Variants in ZNF680 observed in about 807,000 individuals in gnomAD.
ZNF680 encodes the protein zinc finger protein 680.
In ZNF680, 6 loss-of-function variants were observed where a neutral mutation model predicts 12.1. The observed-to-expected ratio is 0.49, with a 90% CI of 0.27 to 0.98. The LOEUF (loss-of-function observed/expected upper bound fraction) is 0.98, where lower values mean the gene tolerates loss of function less well. Among genes scored for constraint, ZNF680 ranks in the 50% least tolerant of loss-of-function variants. The pLI, the probability that ZNF680 is intolerant of heterozygous loss-of-function variation, is 0.12. For missense variants in ZNF680, 561 were observed against 616.3 expected (o/e 0.91, Z 0.95); for synonymous variants, 170 against 199.3 (o/e 0.85, Z 1.24).
intron 3 of ZNF680, among the ~76,000 whole-genome samples, chr7:64,537,785 C>CCGGG (rs1451107601): frequency 2.6e-5 from 4 of 152,038 alleles, no homozygotes; most frequent in Non-Finnish European, 4.4e-5. Flanking sequence ...AAACAATTAG[C>CCGGG]CGGGCGTGGT....
At chr7:64,559,697 G>A (rs929570265) in intron 1 of ZNF680, among the ~76,000 whole-genome samples, 1 of 152,056 alleles carries the variant, frequency 6.6e-6, no homozygotes, top group Admixed American at 6.5e-5. Context: ...GTCCAGGCTG[G>A]TCTCAAACTC....
chr7:64,523,502 A>G (rs1791657522), intron 3 of ZNF680, among the ~76,000 whole-genome samples: 1 of 152,176 alleles, frequency 6.6e-6, no homozygotes, highest in Admixed American at 6.5e-5. Flanking sequence ...ATCAAATAAA[A>G]CAATAAAATA....
intron 3 of ZNF680, among the ~76,000 whole-genome samples, chr7:64,539,376 G>GAAAAAAAAA (rs1233424872): frequency 2.8e-5 from 2 of 72,054 alleles, no homozygotes; most frequent in African/African-American, 6.0e-5. Flanking sequence ...AAAAAAAAAA[G>GAAAAAAAAA]AAAAGAAAAT....
chr7:64,504,856 A>G, the ZNF680 span, among the ~76,000 whole-genome samples: 3 of 152,268 alleles, frequency 2.0e-5, no homozygotes, highest in South Asian at 6.2e-4. Context: ...TCTTTTACCC[A>G]TTAGTTTTAT....
the ZNF680 span, among the ~76,000 whole-genome samples, chr7:64,509,818 C>A: frequency 7.2e-5 from 11 of 151,954 alleles, no homozygotes; most frequent in Non-Finnish European, 1.3e-4. Context: ...ATCATGGTAG[C>A]CTGAACCCAA....
At chr7:64,554,553 G>C (rs1461761587) in intron 1 of ZNF680, among the ~76,000 whole-genome samples, 2 of 152,240 alleles carry the variant, frequency 1.3e-5, no homozygotes, top group Non-Finnish European at 2.9e-5. Context: ...GAATAGAAAA[G>C]GGGGAAATGT....
At chr7:64,526,433 T>C (rs570307968) in intron 3 of ZNF680, 30 of 1,494,048 alleles carry the variant, frequency 2.0e-5, no homozygotes, top group Non-Finnish European at 2.6e-5. Context: ...ATTATTTCTG[T>C]AATCCCACAT....
At chr7:64,535,046 A>G (rs1429657564) in intron 3 of ZNF680, among the ~76,000 whole-genome samples, 1 of 152,116 alleles carries the variant, frequency 6.6e-6, no homozygotes, top group Admixed American at 6.6e-5. Flanking sequence ...AAGGCTACAA[A>G]TAGGGTGTAG....
At chr7:64,553,134 A>G (rs1171759368) in intron 1 of ZNF680, among the ~76,000 whole-genome samples, 1 of 151,906 alleles carries the variant, frequency 6.6e-6, no homozygotes, top group Non-Finnish European at 1.5e-5. Flanking sequence ...CAAAAAAAAA[A>G]AAAAAAAAGT....
the ZNF680 span, among the ~76,000 whole-genome samples, chr7:64,504,073 T>C: frequency 1.3e-5 from 2 of 152,210 alleles, no homozygotes; most frequent in African/African-American, 4.8e-5. Context: ...AAAAATATTA[T>C]TTTAAATAAG....
rs117495376 is a variant in ZNF680, at chr7:64,528,289, G to A, written c.254-5789C>T. The stretch of plus-strand genomic sequence containing the variant: ...AACTTTGTGACAATTTGAACCAGCT[G>A]AGAAGCCTCCGGGCCAGAACTCGGC... On this transcript the variant is annotated intron_variant, in intron 3 of 3. Coordinates refer to ENST00000309683, the MANE Select transcript of ZNF680 (RefSeq NM_178558.5). Among the ~76,000 whole-genome samples the A allele has an allele frequency of 5.8e-3, 889 of 152,252 alleles. 23 individuals carry two copies. The East Asian group carries it at 0.093, about 16-fold the overall frequency.
chr7:64,521,951 C>T lies in ZNF680; in HGVS notation c.803G>A (p.Cys268Tyr). 5 of 1,612,868 alleles carry T rather than the reference C, an allele frequency of 3.1e-6. No individual in the cohort carries two copies. The highest frequency in any genetic ancestry group is 2.2e-5 in the East Asian group (1 of 44,812). ...ACTAAAGGCTTTGCCACATTCTTCACATTTGAAGGGTTTCTCTTCAATATG... is the reference window on the plus strand; with the variant it reads ...ACTAAAGGCTTTGCCACATTCTTCATATTTGAAGGGTTTCTCTTCAATATG... ...KIHIEEKPFK[C>Y]EECGKAFSLF... The change falls in exon 4 of 4, where the codon TGT becomes TAT. Residue 268 changes from cysteine to tyrosine, a missense_variant. Transcript: ENST00000309683.
At chr7:64,542,232 A>T (rs948111217) in intron 3 of ZNF680, among the ~76,000 whole-genome samples, 2 of 91,358 alleles carry the variant, frequency 2.2e-5, no homozygotes, top group Admixed American at 2.1e-4. Flanking sequence ...AGAACCCAAC[A>T]AAAAAAATCT....
the ZNF680 span, among the ~76,000 whole-genome samples, chr7:64,508,142 T>TATATATATATATATATAC: frequency 9.8e-5 from 11 of 112,182 alleles, no homozygotes; most frequent in East Asian, 2.9e-4. Flanking sequence ...TATATATATA[T>TATATATATATATATATAC]ACATAATTTT....
intron 1 of ZNF680, among the ~76,000 whole-genome samples, chr7:64,560,204 C>G (rs142706820): frequency 0.035 from 5,331 of 151,830 alleles, 122 homozygotes; most frequent in Non-Finnish European, 0.054. Context: ...ACCTCCACCC[C>G]CCGGGTTCAA....
chr7:64,548,981 G>A lies in ZNF680; in HGVS notation c.31-4549C>T, dbSNP rs373904283. Among the ~76,000 whole-genome samples the A allele has an allele frequency of 2.8e-4, 43 of 152,050 alleles. 3 individuals are homozygous for A. The highest frequency in any genetic ancestry group is 1.9e-3 in the Admixed American group (29 of 15,262). ...ACTAAAAATACAAAAATTAGCCTGC[G>A]TGGTGGCATGTGCCTGTAATCCCAG... On this transcript the variant is annotated intron_variant, in intron 1 of 3. Transcript: ENST00000309683.
chr7:64,539,688 T>A (rs576921882), intron 3 of ZNF680, among the ~76,000 whole-genome samples: 7 of 152,328 alleles, frequency 4.6e-5, no homozygotes, highest in African/African-American at 1.7e-4. Context: ...TCTCACTCTG[T>A]CACCCAAGCT....
chr7:64,529,260 C>T lies in ZNF680; in HGVS notation c.254-6760G>A, dbSNP rs144751537. 2.2e-4 allele frequency among the ~76,000 whole-genome samples: 34 copies of T among 152,290 alleles called. 1 individual carries two copies. In the East Asian group the frequency reaches 6.2e-3, roughly 28 times the overall value. On this transcript the variant is annotated intron_variant, in intron 3 of 3. Coordinates refer to ENST00000309683, the MANE Select transcript of ZNF680 (RefSeq NM_178558.5). ...AATATGACAAAACAAGGCTCTTTAA[C>T]GCCCCCAAATTATCACACTAGCTAA...
intron 3 of ZNF680, among the ~76,000 whole-genome samples, chr7:64,536,620 A>G (rs957797139): frequency 6.6e-6 from 1 of 152,192 alleles, no homozygotes; most frequent in African/African-American, 2.4e-5. Context: ...ACATTGCAAC[A>G]TGAGGTCTGG....
Sources: gnomAD v4.1 joint callset for allele counts (sites outside exome capture counted in the v4.1 genomes callset) on GRCh38, gnomAD v4.1.1 for gene constraint, MANE v1.5 for transcripts, NCBI Gene and HGNC (gene_info 2026-07-23, HGNC 2026-07-21) for gene names.